The following FREM2 variants were observed in gnomAD, a reference collection of about 807,000 sequenced individuals.
FREM2 encodes the protein FRAS1 related extracellular matrix 2.
In FREM2, 119 loss-of-function variants were observed where a neutral mutation model predicts 219.9. The ratio of observed to expected loss-of-function variants is 0.54; its 90% CI spans 0.47 to 0.63. FREM2 has a LOEUF of 0.63. Ranked by LOEUF, FREM2 falls within the 30% of genes least tolerant of loss-of-function variation. The pLI, the probability that FREM2 is intolerant of heterozygous loss-of-function variation, is 0.00. For missense variants in FREM2, 4,030 were observed against 3,993.6 expected, an observed-to-expected ratio of 1.01 and a Z score of -0.25; for synonymous variants, 1,562 against 1,522.8, an observed-to-expected ratio of 1.03 and a Z score of -0.60.
chr13:38,687,302 G>T lies in FREM2; in HGVS notation c.-43G>T. ...TGTTGTCTGCCCGGGGACCGACTTCGCATGCTCTCAGGCTGACCTGTCCAA... is the reference window on the plus strand; with the variant it reads ...TGTTGTCTGCCCGGGGACCGACTTCTCATGCTCTCAGGCTGACCTGTCCAA... On this transcript the variant is annotated 5_prime_UTR_variant, in exon 1 of 24. Transcript: ENST00000280481. 6.4e-7 allele frequency: 1 copy of T among 1,563,768 alleles called. No individual in the cohort carries two copies. Among genetic ancestry groups the T allele is most frequent in the East Asian group, 2.4e-5 (1 of 41,804 alleles).
rs1263730157 is a variant in FREM2 at position 38,691,314 on chromosome 13, A to C, written c.3970A>C (p.Asn1324His). Reference sequence around the variant, plus strand: ...AATTGGGGATACCAAGATTATCAACAACAAAATATTAATGGCAACAGATTT... The same window carrying C: ...AATTGGGGATACCAAGATTATCAACCACAAAATATTAATGGCAACAGATTT... ...IEIGDTKIIN[N>H]KILMATDLDS... The change falls in exon 1 of 24, where the codon AAC (asparagine) becomes CAC (histidine). Residue 1324 changes from asparagine (N) to histidine (H), a missense_variant. Asn to His is a moderately conservative substitution (Grantham distance 68, BLOSUM62 1). Coordinates refer to ENST00000280481, the MANE Select transcript of FREM2 (RefSeq NM_207361.6). 1 of 1,614,140 alleles carries C rather than the reference A, an allele frequency of 6.2e-7. No homozygotes were observed. Among genetic ancestry groups the C allele is most frequent in the Non-Finnish European group, 8.5e-7 (1 of 1,179,952 alleles).
intron 21 of FREM2, 141 bp from the exon 22 acceptor site, chr13:38,877,993 A>C (rs550370650): frequency 6.0e-5 from 45 of 745,554 alleles, no homozygotes; most frequent in Non-Finnish European, 9.7e-5. Context: ...AAGCTCATGC[A>C]AACAGGCCTT....
At chr13:38,721,059 A>G (rs1232303767) in intron 2 of FREM2, among the ~76,000 whole-genome samples, 1 of 152,136 alleles carries the variant, frequency 6.6e-6, no homozygotes, top group African/African-American at 2.4e-5. Flanking sequence ...TGCTGGGTTT[A>G]ATACCTAGGT....
intron 16 of FREM2, among the ~76,000 whole-genome samples, chr13:38,870,675 G>A (rs561551988): frequency 5.9e-5 from 9 of 152,170 alleles, no homozygotes; most frequent in Non-Finnish European, 4.4e-5. Context: ...CTAGCCATGG[G>A]TACTAAGAAA....
intron 11 of FREM2, among the ~76,000 whole-genome samples, chr13:38,854,810 T>C (rs1013659477): frequency 2.0e-5 from 3 of 152,180 alleles, no homozygotes; most frequent in African/African-American, 7.2e-5. Flanking sequence ...CCTGATAATT[T>C]AAAAATTGAA....
At chr13:38,734,595 A>C (rs1195282525) in intron 2 of FREM2, among the ~76,000 whole-genome samples, 1 of 152,192 alleles carries the variant, frequency 6.6e-6, no homozygotes, top group African/African-American at 2.4e-5. Flanking sequence ...CCATAATCTA[A>C]ACTGAAGAAA....
chr13:38,785,467 A>G (rs1593406901), intron 6 of FREM2, among the ~76,000 whole-genome samples: 1 of 152,366 alleles, frequency 6.6e-6, no homozygotes, highest in Non-Finnish European at 1.5e-5. Context: ...AGTAAAGCAG[A>G]GAGCAGTAAA....
chr13:38,778,011 A>T (rs190130496), intron 4 of FREM2, among the ~76,000 whole-genome samples: 4 of 152,336 alleles, frequency 2.6e-5, no homozygotes, highest in African/African-American at 9.6e-5. Flanking sequence ...GGCTTGTTTA[A>T]TCAAACCTGC....
intron 6 of FREM2, among the ~76,000 whole-genome samples, chr13:38,796,990 C>T (rs911052518): frequency 9.2e-5 from 14 of 152,026 alleles, no homozygotes; most frequent in African/African-American, 3.4e-4. Flanking sequence ...AATCTTCCTG[C>T]CTCAGCCTCC....
chr13:38,840,737 C>T (rs953914777), intron 6 of FREM2, among the ~76,000 whole-genome samples: 5 of 151,258 alleles, frequency 3.3e-5, no homozygotes, highest in Admixed American at 2.6e-4. Context: ...TATATACACA[C>T]ACACACACAT....
In FREM2 at chr13:38,840,625, A is replaced by AATATATAT. The variant is rs66795118; in HGVS notation, c.6020-5935_6020-5928dup. Among the ~76,000 whole-genome samples the AATATATAT allele has an allele frequency of 6.7e-5, 9 of 135,136 alleles. No individual in the cohort carries two copies. In the East Asian group the frequency reaches 8.4e-4, roughly 13 times the overall value. The allele number at this position is 135,136 out of a possible 152,430, so 88.7% of individuals were successfully genotyped here. On this transcript the variant is annotated intron_variant, in intron 6 of 23. Coordinates refer to ENST00000280481, the MANE Select transcript of FREM2 (RefSeq NM_207361.6). The stretch of plus-strand genomic sequence containing the variant: ...TTTTTAACCTGGGGGATAAAACTAA[A>AATATATAT]ATATATATATATATATATATGTGTA...
At chr13:38,726,559 G>A (rs1871532097) in intron 2 of FREM2, among the ~76,000 whole-genome samples, 3 of 152,176 alleles carry the variant, frequency 2.0e-5, no homozygotes, top group Admixed American at 2.0e-4. Context: ...TCATGTGTGT[G>A]GCATAGGGAG....
chr13:38,721,236 T>C (rs141865834), intron 2 of FREM2, among the ~76,000 whole-genome samples: 42 of 152,250 alleles, frequency 2.8e-4, no homozygotes, highest in Middle Eastern at 6.8e-3. Flanking sequence ...AAAAAAATAT[T>C]GTCAGCTGAC....
rs1869939084 is a variant in FREM2 at position 38,692,530 on chromosome 13, T to C, written c.5173+13T>C. On this transcript the variant is annotated intron_variant, in intron 1 of 23. Transcript: ENST00000280481. ...CAGTTCACACAAGGTATGTTTCATG[T>C]TTCTTTTCTTGGTTATCCTTGTTTC... 2.5e-6 allele frequency: 4 copies of C among 1,605,902 alleles called. No homozygotes were observed. In the African/African-American group the frequency reaches 5.3e-5, roughly 21 times the overall value.
intron 6 of FREM2, among the ~76,000 whole-genome samples, chr13:38,841,052 A>G (rs997167793): frequency 1.3e-5 from 2 of 152,112 alleles, no homozygotes; most frequent in African/African-American, 2.4e-5. Context: ...TAGTTCTGCT[A>G]TTTCCCTGAT....
chr13:38,872,755 T>G lies in FREM2; in HGVS notation c.7997T>G (p.Val2666Gly), dbSNP rs1438409042. ...IGTDGQVLNL[V>G]QSYVTLRVPL... ...TTGTTGTTTTAGGTCCTAAACCTAGTGCAGTCCTATGTGACCCTTCGAGTC... is the reference window on the plus strand; with the variant it reads ...TTGTTGTTTTAGGTCCTAAACCTAGGGCAGTCCTATGTGACCCTTCGAGTC... The change falls in exon 17 of 24, where the codon GTG (valine) becomes GGG (glycine). Residue 2666 changes from valine to glycine, a missense_variant. Val to Gly is a moderately radical substitution (Grantham distance 109, BLOSUM62 -3). This residue lies in a region of FREM2 where 928 missense variants were observed against 1,042.9 expected (regional missense o/e 0.89). Coordinates refer to ENST00000280481, the MANE Select transcript of FREM2 (RefSeq NM_207361.6). 2 of 1,614,012 alleles carry G rather than the reference T, an allele frequency of 1.2e-6. No homozygotes were observed. The highest frequency in any genetic ancestry group is 2.2e-5 in the South Asian group (2 of 91,084).
intron 6 of FREM2, among the ~76,000 whole-genome samples, chr13:38,786,027 C>T (rs984054654): frequency 2.0e-5 from 3 of 152,214 alleles, no homozygotes; most frequent in Middle Eastern, 3.4e-3. Context: ...TTAGCATGTC[C>T]ATCATGTCAA....
At chr13:38,868,575 T>C (rs1329049110) in intron 16 of FREM2, among the ~76,000 whole-genome samples, 5 of 152,242 alleles carry the variant, frequency 3.3e-5, no homozygotes, top group Admixed American at 3.3e-4. Flanking sequence ...CCAGGTGAAC[T>C]TTTTCCTTTG....
intron 2 of FREM2, among the ~76,000 whole-genome samples, chr13:38,756,894 A>G (rs1873031775): frequency 6.6e-6 from 1 of 152,094 alleles, no homozygotes; most frequent in South Asian, 2.1e-4. Flanking sequence ...GCAGAAAAAT[A>G]TGGAAAATGT....
Sources: allele counts gnomAD v4.1 joint callset (sites outside exome capture counted in the v4.1 genomes callset), GRCh38; gene constraint gnomAD v4.1.1; regional missense constraint gnomAD v4.1.1; transcripts MANE v1.5; gene names NCBI Gene and HGNC (gene_info 2026-07-23, HGNC 2026-07-21).